CTBP2: variants seen among roughly 807,000 people sequenced by gnomAD.
CTBP2 encodes C-terminal-binding protein 2.
A neutral mutation model predicts 80.3 loss-of-function variants in CTBP2; 30 were observed. That is an observed-to-expected ratio of 0.37 (90% confidence interval 0.28 to 0.51). CTBP2 has a LOEUF of 0.51. CTBP2 is among the 20% of genes least tolerant of loss of function. The probability of loss-of-function intolerance (pLI) is 0.93; values close to 1 mark genes in which losing one functional copy is unlikely to be tolerated. For synonymous variants in CTBP2, 594 were observed against 587.4 expected (o/e 1.01, Z -0.16); for missense variants, 1,212 against 1,375.3 (o/e 0.88, Z 1.88).
At chr10:125,127,542 T>G (rs937646028) in intron 1 of CTBP2, among the ~76,000 whole-genome samples, 2 of 152,216 alleles carry the variant, frequency 1.3e-5, no homozygotes, top group Non-Finnish European at 2.9e-5. Flanking sequence ...TATTGTAAAT[T>G]TGATCCTAAA....
At chr10:125,077,469 C>T (rs1340669719) in intron 2 of CTBP2, among the ~76,000 whole-genome samples, 2 of 152,106 alleles carry the variant, frequency 1.3e-5, no homozygotes, top group Admixed American at 6.5e-5. Context: ...AGGAAGAACC[C>T]CCATCTGGCT....
chr10:124,998,512 G>C (rs1430728655), intron 3 of CTBP2: 3 of 376,242 alleles, frequency 8.0e-6, no homozygotes, highest in Non-Finnish European at 1.5e-5. Context: ...CAGGAAGCCA[G>C]TGGGCCTCAG....
In CTBP2 at chr10:124,985,466, G is replaced by T; in HGVS notation, c.*4052C>A. On this transcript the variant is annotated 3_prime_UTR_variant, in exon 9 of 9. Coordinates refer to ENST00000309035, the MANE Select transcript of CTBP2 (RefSeq NM_022802.3). ...AAAGATCCATCTAAGTCTCAGATCT[G>T]GAAACGTTTTGTACCGATTATCCAC... is the stretch of plus-strand genomic sequence containing the variant. 6.5e-6 allele frequency: 1 copy of T among 153,370 alleles called. No homozygotes were observed. Among genetic ancestry groups the T allele is most frequent in the African/African-American group, 2.4e-5 (1 of 41,564 alleles). The allele number at this position is 153,370 out of a possible 1,614,324, so 9.5% of individuals were successfully genotyped here. A position where few individuals can be genotyped will look rare whatever the true frequency, so the allele number is the denominator to read the frequency against.
At chr10:125,090,718 G>A (rs1848643114) in intron 2 of CTBP2, among the ~76,000 whole-genome samples, 1 of 151,520 alleles carries the variant, frequency 6.6e-6, no homozygotes, top group Admixed American at 6.6e-5. Context: ...AGCTGTGCTG[G>A]CACTCACCCT....
chr10:125,043,725 C>T (rs542651737), intron 2 of CTBP2, among the ~76,000 whole-genome samples: 71 of 152,060 alleles, frequency 4.7e-4, no homozygotes, highest in African/African-American at 1.4e-3. Flanking sequence ...TGTAAGCAAC[C>T]GTGCCCGGCC....
rs75865134 is a variant in CTBP2, at chr10:125,145,027, C to T, written c.-206+15292G>A. Among the ~76,000 whole-genome samples, 775 of 152,272 alleles carry T rather than the reference C, an allele frequency of 5.1e-3. 4 individuals carry two copies. Among genetic ancestry groups the T allele is most frequent in the Middle Eastern group, 0.02 (6 of 294 alleles). On this transcript the variant is annotated intron_variant, in intron 1 of 10. Coordinates refer to the CTBP2 transcript ENST00000337195. ...TGGTAATGTTGGAGGGTGGAGAATC[C>T]CTCTTCAAAGAATGAGGATGAGTAC... is the stretch of plus-strand genomic sequence containing the variant.
rs559134243 is a variant in CTBP2, at chr10:125,117,847, C to T, written c.-205-6754G>A. Among the ~76,000 whole-genome samples the T allele has an allele frequency of 3.9e-5, 6 of 152,352 alleles. No individual in the cohort carries two copies. The South Asian group carries it at 8.3e-4, about 21-fold the overall frequency. ...TTCTTTCCATGTCCCTATACAGCCA[C>T]GTTGGCACAGAGGCACTTCAGGTGA... On this transcript the variant is annotated intron_variant, in intron 1 of 10. Transcript: ENST00000337195.
At position 125,077,684 on chromosome 10, in the gene CTBP2, G is replaced by C. The variant is rs78918813; in HGVS notation, c.-102+33306C>G. Among the ~76,000 whole-genome samples, 84 of 152,278 alleles carry C rather than the reference G, an allele frequency of 5.5e-4. 2 individuals carry two copies. The East Asian group carries it at 0.016, about 29-fold the overall frequency. On this transcript the variant is annotated intron_variant, in intron 2 of 10. Coordinates refer to the CTBP2 transcript ENST00000337195. ...CTGGGAGCCTGCCTAAAAGAACCCTGAAAACCCAGGTCAGCTGAAGAAATC... is the reference window on the plus strand; with the variant it reads ...CTGGGAGCCTGCCTAAAAGAACCCTCAAAACCCAGGTCAGCTGAAGAAATC...
chr10:125,106,040 TGACCC>T (rs1304947690), intron 2 of CTBP2, among the ~76,000 whole-genome samples: 1 of 152,210 alleles, frequency 6.6e-6, no homozygotes, highest in Non-Finnish European at 1.5e-5. Flanking sequence ...AATCAGCCGC[TGACCC>T]GTGTCTCTGG....
At chr10:125,044,317 A>G (rs1960672415) in intron 2 of CTBP2, among the ~76,000 whole-genome samples, 1 of 113,556 alleles carries the variant, frequency 8.8e-6, no homozygotes, top group Non-Finnish European at 2.0e-5. Flanking sequence ...TTGCACACAT[A>G]GCCGAGGATC....
rs1373903559 is a variant in CTBP2 at position 125,066,655 on chromosome 10, C to A, written c.-101-27500G>T. On this transcript the variant is annotated intron_variant, in intron 2 of 10. Coordinates refer to the CTBP2 transcript ENST00000337195. This position sits in a 1 kb window ranked among gnomAD's most constrained non-coding sequence, Gnocchi z 4.1. ...GAAGCCAGGGAGCACAGTGCACCAA[C>A]CTTCAGTGTAATCTCCAGTCCTGCC... 6.6e-6 allele frequency among the ~76,000 whole-genome samples: 1 copy of A among 152,178 alleles called. No individual in the cohort carries two copies. Among genetic ancestry groups the A allele is most frequent in the Non-Finnish European group, 1.5e-5 (1 of 68,038 alleles).
At chr10:125,023,913 C>A (rs1056023493) in intron 1 of CTBP2, among the ~76,000 whole-genome samples, 2 of 152,194 alleles carry the variant, frequency 1.3e-5, no homozygotes, top group African/African-American at 4.8e-5. Flanking sequence ...TCCAGAAGGG[C>A]GTTCCTTGTC....
At chr10:125,098,657 G>GAGAGAGAGAGAGAGAGAGAGA (rs1849948390) in intron 2 of CTBP2, among the ~76,000 whole-genome samples, 1 of 44,968 alleles carries the variant, frequency 2.2e-5, no homozygotes, top group Non-Finnish European at 4.1e-5. Flanking sequence ...TGGGGGAGGG[G>GAGAGAGAGAGAGAGAGAGAGA]GAGAGAGAGA....
intron 2 of CTBP2, among the ~76,000 whole-genome samples, chr10:125,057,576 C>T (rs1032923290): frequency 1.1e-4 from 17 of 152,168 alleles, no homozygotes; most frequent in African/African-American, 4.1e-4. Flanking sequence ...TTTTCCAGGC[C>T]ACAGAATCTC....
At chr10:124,994,042 T>C (rs1290569106) in intron 5 of CTBP2, 57 bp from the exon 8 acceptor site, 1 of 1,599,236 alleles carries the variant, frequency 6.3e-7, no homozygotes, top group Non-Finnish European at 8.5e-7. Flanking sequence ...AAGACTCTTG[T>C]ACCAAGGTTT....
intron 2 of CTBP2, among the ~76,000 whole-genome samples, chr10:125,100,272 A>G (rs1227814560): frequency 6.6e-6 from 1 of 152,264 alleles, no homozygotes; most frequent in Non-Finnish European, 1.5e-5. Context: ...GTATTTGATG[A>G]TTGGCCACCC....
rs141435222 is a variant in CTBP2, at chr10:125,145,927, T to C, written c.-206+14392A>G. On this transcript the variant is annotated intron_variant, in intron 1 of 10. Transcript: ENST00000337195. ...TTTGCTTTTCCAAGTGAGATTTTTT[T>C]TTTTTTTTAATTTGAGACAGAGTTT... Among the ~76,000 whole-genome samples the C allele has an allele frequency of 5.4e-3, 825 of 152,220 alleles. 3 individuals are homozygous for C. The highest frequency in any genetic ancestry group is 0.01 in the Middle Eastern group (3 of 294).
At chr10:125,134,769 C>T (rs961886559) in intron 1 of CTBP2, among the ~76,000 whole-genome samples, 12 of 152,186 alleles carry the variant, frequency 7.9e-5, no homozygotes, top group South Asian at 4.2e-4. Context: ...AGTACAGATG[C>T]GTGTGGCCAG....
intron 2 of CTBP2, among the ~76,000 whole-genome samples, chr10:125,078,097 G>A (rs1057361849): frequency 5.9e-5 from 9 of 152,108 alleles, no homozygotes; most frequent in Non-Finnish European, 1.3e-4. Flanking sequence ...TGGCTAACAC[G>A]GTGAAACCCC....
Sources: allele counts gnomAD v4.1 joint callset (sites outside exome capture counted in the v4.1 genomes callset), GRCh38; gene constraint gnomAD v4.1.1; non-coding constraint Gnocchi (gnomAD v3.1); transcripts MANE v1.5; gene names NCBI Gene and HGNC (gene_info 2026-07-23, HGNC 2026-07-21).